Variants in COMMD1 observed in about 807,000 individuals in gnomAD.
COMMD1 encodes copper metabolism domain containing 1.
Under a neutral mutation model 17.2 loss-of-function variants are expected in COMMD1, and 10 were observed. The observed-to-expected ratio is 0.58, with a 90% CI of 0.36 to 0.99. The LOEUF is 0.99. COMMD1 is among the 50% of genes least tolerant of loss of function. The pLI, the probability that COMMD1 is intolerant of heterozygous loss-of-function variation, is 0.01. For synonymous variants in COMMD1, 97 were observed against 91.6 expected, an observed-to-expected ratio of 1.06 and a Z score of -0.34; for missense variants, 270 against 231.8, an observed-to-expected ratio of 1.17 and a Z score of -1.07.
At chr2:61,997,057 CTTTT>C (rs776532911) in intron 1 of COMMD1, among the ~76,000 whole-genome samples, 1 of 141,748 alleles carries the variant, frequency 7.1e-6, no homozygotes, top group Non-Finnish European at 1.6e-5. Context: ...GTATTTCTTT[CTTTT>C]TTTTTTTTTT....
intron 2 of COMMD1, among the ~76,000 whole-genome samples, chr2:62,012,164 CGA>C (rs1558561535): frequency 6.6e-6 from 1 of 151,188 alleles, no homozygotes; most frequent in Non-Finnish European, 1.5e-5. Context: ...GGCTGAGGAA[CGA>C]GAATCACTTG....
At chr2:61,957,852 GA>G (rs1392443986) in intron 1 of COMMD1, among the ~76,000 whole-genome samples, 10 of 152,190 alleles carry the variant, frequency 6.6e-5, no homozygotes, top group Non-Finnish European at 1.5e-5. Flanking sequence ...TTTGCCCTTG[GA>G]AAAGCAGAGA....
chr2:61,959,291 G>A (rs562435645), intron 1 of COMMD1, among the ~76,000 whole-genome samples: 244 of 151,678 alleles, frequency 1.6e-3, no homozygotes, highest in African/African-American at 5.7e-3. Context: ...AAGATTATCA[G>A]GAAAGGAAAT....
intron 1 of COMMD1, among the ~76,000 whole-genome samples, chr2:61,985,563 C>T (rs1386639353): frequency 6.6e-6 from 1 of 152,004 alleles, no homozygotes; most frequent in Non-Finnish European, 1.5e-5. Flanking sequence ...TTTCTTCCTC[C>T]TTGTCTTCTT....
At chr2:61,999,616 A>G (rs1292079595) in intron 1 of COMMD1, among the ~76,000 whole-genome samples, 1 of 152,010 alleles carries the variant, frequency 6.6e-6, no homozygotes, top group Non-Finnish European at 1.5e-5. Flanking sequence ...TATTTTAGAG[A>G]CAGGGTCTTG....
chr2:61,896,340 C>T (rs1196929421), intron 1 of COMMD1, among the ~76,000 whole-genome samples: 2 of 152,136 alleles, frequency 1.3e-5, no homozygotes, highest in Middle Eastern at 3.4e-3. Context: ...AATCCCAGCA[C>T]TTTGGGAGGC....
chr2:61,927,593 T>C (rs1156942706), intron 1 of COMMD1, among the ~76,000 whole-genome samples: 2 of 151,982 alleles, frequency 1.3e-5, no homozygotes, highest in Non-Finnish European at 2.9e-5. Flanking sequence ...AGAGGCGGGA[T>C]TTCACCATGT....
intron 1 of COMMD1, among the ~76,000 whole-genome samples, chr2:61,917,146 G>C (rs900188277): frequency 6.6e-6 from 1 of 152,010 alleles, no homozygotes; most frequent in Non-Finnish European, 1.5e-5. Flanking sequence ...TTGAGGTCAG[G>C]AGTTTGAGAC....
At chr2:62,099,316 G>A (rs1299012120) in intron 2 of COMMD1, among the ~76,000 whole-genome samples, 1 of 152,066 alleles carries the variant, frequency 6.6e-6, no homozygotes, top group African/African-American at 2.4e-5. Context: ...ACCTAAGTAC[G>A]ATTCCCATTC....
At chr2:62,013,733 C>T (rs567482679) in intron 2 of COMMD1, among the ~76,000 whole-genome samples, 1 of 152,118 alleles carries the variant, frequency 6.6e-6, no homozygotes, top group African/African-American at 2.4e-5. Flanking sequence ...GGGGGTAACA[C>T]CTTGTTTTTT....
chr2:62,033,766 T>A (rs1387176129), intron 2 of COMMD1, among the ~76,000 whole-genome samples: 1 of 152,086 alleles, frequency 6.6e-6, no homozygotes, highest in Non-Finnish European at 1.5e-5. Flanking sequence ...TCAAATGGTG[T>A]GACTGCCCAC....
intron 1 of COMMD1, among the ~76,000 whole-genome samples, chr2:61,978,304 T>G (rs896555963): frequency 2.6e-5 from 4 of 152,184 alleles, no homozygotes; most frequent in African/African-American, 9.7e-5. Context: ...TGACTTTCTG[T>G]GGTTTATTTT....
At chr2:61,956,777 G>C (rs1045696954) in intron 1 of COMMD1, among the ~76,000 whole-genome samples, 4 of 150,614 alleles carry the variant, frequency 2.7e-5, no homozygotes, top group Non-Finnish European at 5.9e-5. Flanking sequence ...TTTGCGATGG[G>C]GTCTCGCTCT....
intron 2 of COMMD1, among the ~76,000 whole-genome samples, chr2:62,073,658 C>T (rs1018853181): frequency 3.3e-5 from 5 of 152,204 alleles, no homozygotes; most frequent in African/African-American, 1.2e-4. Flanking sequence ...TGAGACTGTA[C>T]CCTGAGCCAT....
rs1357331325 is a variant in COMMD1, at chr2:62,103,104, G to A, written c.463-32727G>A. ...GGCCATTCTCCTGCCTCAGCCTCCA[G>A]AGAAGCTGGGACTACAGGTGCCTGC... On this transcript the variant is annotated intron_variant, in intron 2 of 2. Transcript: ENST00000311832. Among the ~76,000 whole-genome samples, 7 of 151,942 alleles carry A rather than the reference G, an allele frequency of 4.6e-5. No homozygotes were observed. The East Asian group carries it at 1.2e-3, about 25-fold the overall frequency.
At chr2:62,047,705 G>A (rs33999638) in intron 2 of COMMD1, among the ~76,000 whole-genome samples, 23,159 of 151,950 alleles carry the variant, frequency 0.15, 1,871 homozygotes, top group East Asian at 0.2. Context: ...CACTTGCCTC[G>A]GCCTCCCAAG....
chr2:61,989,810 A>G (rs1406656509), intron 1 of COMMD1, among the ~76,000 whole-genome samples: 1 of 152,028 alleles, frequency 6.6e-6, no homozygotes, highest in African/African-American at 2.4e-5. Context: ...TTTCCCTTCA[A>G]CATGTGTTTG....
intron 1 of COMMD1, among the ~76,000 whole-genome samples, chr2:61,911,061 C>A (rs893824150): frequency 6.7e-6 from 1 of 150,074 alleles, no homozygotes; most frequent in Admixed American, 6.6e-5. Flanking sequence ...CCAGCCTGGG[C>A]AACAAGAGCG....
In COMMD1 at chr2:61,893,038, T is replaced by C. The variant is rs1053856665; in HGVS notation, n.119+4196T>C. 2.6e-5 allele frequency among the ~76,000 whole-genome samples: 4 copies of C among 151,926 alleles called. No homozygotes were observed. In the East Asian group the frequency reaches 7.7e-4, roughly 29 times the overall value. ...ATGCGCCACCGTGGTCGGCTAATTTTGTATTTTTAGTAGAGACGGGGTTTC... is the reference window on the plus strand; with the variant it reads ...ATGCGCCACCGTGGTCGGCTAATTTCGTATTTTTAGTAGAGACGGGGTTTC... On this transcript the variant is annotated intron_variant and non_coding_transcript_variant, in intron 1 of 2. Transcript: ENST00000472729.
Sources: allele counts gnomAD v4.1 joint callset (sites outside exome capture counted in the v4.1 genomes callset), GRCh38; gene constraint gnomAD v4.1.1; transcripts MANE v1.5; gene names NCBI Gene and HGNC (gene_info 2026-07-23, HGNC 2026-07-21).